The following STAM2 variants were observed in gnomAD, a reference collection of about 807,000 sequenced individuals.
STAM2 encodes signal transducing adapter molecule 2.
In STAM2, 51 loss-of-function variants were observed where a neutral mutation model predicts 65.6. That is an observed-to-expected ratio of 0.78 (90% CI 0.62 to 0.98). The LOEUF (loss-of-function observed/expected upper bound fraction) is 0.98, where lower values mean the gene tolerates loss of function less well. Ranked by LOEUF, STAM2 falls within the 50% of genes least tolerant of loss-of-function variation. The pLI is 0.00. For synonymous variants in STAM2, 198 were observed against 208.4 expected (o/e 0.95, Z 0.43); for missense variants, 584 against 617.8 (o/e 0.95, Z 0.58).
At position 152,160,490 on chromosome 2, in the gene STAM2, C is replaced by T. The variant is rs1269269300; in HGVS notation, c.41-10261G>A. ...CTGAGAAGTGAGGAGCCCCTCCGCC[C>T]GGCAGCCGCCCCGTCTGAGAAGTGA... On this transcript the variant is annotated intron_variant, in intron 1 of 13. Transcript: ENST00000263904. Among the ~76,000 whole-genome samples, 5 of 151,490 alleles carry T rather than the reference C, an allele frequency of 3.3e-5. No homozygotes were observed. In the South Asian group the frequency reaches 6.3e-4, roughly 19 times the overall value.
intron 11 of STAM2, among the ~76,000 whole-genome samples, chr2:152,128,033 T>A (rs1412133703): frequency 6.6e-6 from 1 of 152,034 alleles, no homozygotes; most frequent in African/African-American, 2.4e-5. Context: ...TCTACTAGAG[T>A]CTGTTATGTC....
intron 1 of STAM2, among the ~76,000 whole-genome samples, chr2:152,157,226 T>C (rs1689571518): frequency 6.6e-6 from 1 of 152,178 alleles, no homozygotes; most frequent in African/African-American, 2.4e-5. Context: ...ACAAACACAC[T>C]TGAGATGAGT....
At chr2:152,172,764 G>A (rs1046926510) in intron 1 of STAM2, among the ~76,000 whole-genome samples, 10 of 151,796 alleles carry the variant, frequency 6.6e-5, no homozygotes, top group Middle Eastern at 3.4e-3. Flanking sequence ...CTAGCTACTC[G>A]GGAGGCTGAG....
intron 11 of STAM2, among the ~76,000 whole-genome samples, chr2:152,127,273 ATCCTC>A (rs1688979071): frequency 6.6e-6 from 1 of 152,184 alleles, no homozygotes; most frequent in African/African-American, 2.4e-5. Flanking sequence ...TGCAGTCACA[ATCCTC>A]TACTGGTGAC....
At chr2:152,170,039 GT>G in intron 1 of STAM2, among the ~76,000 whole-genome samples, 1 of 151,988 alleles carries the variant, frequency 6.6e-6, no homozygotes, top group South Asian at 2.1e-4. Flanking sequence ...GTTTCATCAT[GT>G]TGGCCAGGCT....
chr2:152,138,401 T>G (rs531647836), intron 7 of STAM2, among the ~76,000 whole-genome samples: 5 of 152,274 alleles, frequency 3.3e-5, no homozygotes, highest in Admixed American at 3.3e-4. Flanking sequence ...TAAAAAGTTG[T>G]AATTAAAGCA....
intron 1 of STAM2, among the ~76,000 whole-genome samples, chr2:152,168,699 T>G (rs577718667): frequency 6.6e-6 from 1 of 152,224 alleles, no homozygotes; most frequent in Non-Finnish European, 1.5e-5. Flanking sequence ...AATTATAATG[T>G]CTTTTCTCTT....
In STAM2 at chr2:152,126,507, G is replaced by T. The variant is rs918285284; in HGVS notation, c.1026-128C>A. ...AAAGGCTTTTTTATATTTAATGAAAGAATATTCACAAAGGGAAACTAAGAG... is the reference window on the plus strand; with the variant it reads ...AAAGGCTTTTTTATATTTAATGAAATAATATTCACAAAGGGAAACTAAGAG... On this transcript the variant is annotated intron_variant, in intron 11 of 13. Transcript: ENST00000263904. 1.1e-5 allele frequency: 6 copies of T among 526,952 alleles called. No individual in the cohort carries two copies. The African/African-American group carries it at 1.2e-4, about 10-fold the overall frequency. The allele number at this position is 526,952 out of a possible 1,614,324, so 32.6% of individuals were successfully genotyped here.
At position 152,147,308 on chromosome 2, in the gene STAM2, C is replaced by T. The variant is rs1689352959; in HGVS notation, c.301G>A (p.Ala101Thr). The change falls in exon 5 of 14, where the codon GCA (alanine) becomes ACA (threonine). Residue 101 changes from alanine (A) to threonine (T), a missense_variant and splice_region_variant. Ala to Thr is a moderately conservative substitution (Grantham distance 58, BLOSUM62 0). Coordinates refer to ENST00000263904, the MANE Select transcript of STAM2 (RefSeq NM_005843.6). Reference sequence around the variant, plus strand: ...AGTTTTTCACATACTTTAGGATGTGCCTTTTAAGGAAAAGGAAAGGAAAAT... The same window carrying T: ...AGTTTTTCACATACTTTAGGATGTGTCTTTTAAGGAAAAGGAAAGGAAAAT... Reference protein sequence around the residue: ...TEVRAVIKNKAHPKVCEKLKS... With the variant: ...TEVRAVIKNKTHPKVCEKLKS... The T allele has an allele frequency of 6.5e-7, 1 of 1,528,788 alleles. No homozygotes were observed. The allele number at this position is 1,528,788 out of a possible 1,614,324, so 94.7% of individuals were successfully genotyped here.
intron 5 of STAM2, 65 bp from the exon 6 acceptor site, chr2:152,145,022 C>T: frequency 8.0e-7 from 1 of 1,253,260 alleles, no homozygotes; most frequent in Non-Finnish European, 1.2e-6. Flanking sequence ...TCCATAATTA[C>T]TTGCAGATGG....
chr2:152,130,518 T>C (rs1001841786), intron 11 of STAM2, among the ~76,000 whole-genome samples: 1 of 151,592 alleles, frequency 6.6e-6, no homozygotes, highest in African/African-American at 2.4e-5. Context: ...CCCAAAGTGC[T>C]GGGATTACAG....
intron 13 of STAM2, among the ~76,000 whole-genome samples, chr2:152,121,785 C>A (rs1688857194): frequency 1.3e-5 from 2 of 152,118 alleles, no homozygotes; most frequent in Admixed American, 1.3e-4. Flanking sequence ...TGGCTCACAC[C>A]TGTAATCCTA....
At chr2:152,151,245 G>T (rs1049721478) in intron 1 of STAM2, among the ~76,000 whole-genome samples, 1 of 147,794 alleles carries the variant, frequency 6.8e-6, no homozygotes, top group Admixed American at 6.9e-5. Context: ...GCAATGGCAC[G>T]ATCTCAGCTC....
rs937995898 is a variant in STAM2 at position 152,118,638 on chromosome 2, GA to G, written c.*1935del. On this transcript the variant is annotated 3_prime_UTR_variant, in exon 14 of 14. Coordinates refer to ENST00000263904, the MANE Select transcript of STAM2 (RefSeq NM_005843.6). ...TAAGTTTATTAAATAGAGTTTGGGA[GA>G]AAAAAAGTAAGAAATTCCATATATA... 5 of 151,466 alleles carry G rather than the reference GA, an allele frequency of 3.3e-5. No homozygotes were observed. The highest frequency in any genetic ancestry group is 2.0e-4 in the Admixed American group (3 of 15,200). The allele number at this position is 151,466 out of a possible 1,614,324, so 9.4% of individuals were successfully genotyped here.
chr2:152,147,616 A>C (rs1159961417), intron 4 of STAM2, among the ~76,000 whole-genome samples: 2 of 152,196 alleles, frequency 1.3e-5, no homozygotes, highest in African/African-American at 4.8e-5. Context: ...ACCTGGATGT[A>C]AATCATGGCT....
At chr2:152,141,992 T>C (rs1291399777) in intron 7 of STAM2, among the ~76,000 whole-genome samples, 1 of 152,182 alleles carries the variant, frequency 6.6e-6, no homozygotes, top group African/African-American at 2.4e-5. Flanking sequence ...CACAAAAGTA[T>C]AAAAACAATG....
rs1690008106 is a variant in STAM2, at chr2:152,175,707, G to A, written c.-65C>T. On this transcript the variant is annotated 5_prime_UTR_variant, in exon 1 of 14. Transcript: ENST00000263904. ...ACACTCAGCAACTGCTACCCGCCGG[G>A]TGACCCGCGGCCGCGGCTCCCTAGA... is the stretch of plus-strand genomic sequence containing the variant. 3.2e-6 allele frequency: 5 copies of A among 1,553,572 alleles called. No individual in the cohort carries two copies. The East Asian group carries it at 7.2e-5, about 22-fold the overall frequency.
At chr2:152,168,163 AT>A (rs70974828) in intron 1 of STAM2, among the ~76,000 whole-genome samples, 32,035 of 148,956 alleles carry the variant, frequency 0.22, 3,591 homozygotes, top group Admixed American at 0.31. Context: ...TACAAGGCCT[AT>A]TTTTTTTTTC....
intron 11 of STAM2, among the ~76,000 whole-genome samples, chr2:152,128,728 C>T (rs940486859): frequency 6.6e-5 from 10 of 152,184 alleles, no homozygotes; most frequent in Non-Finnish European, 8.8e-5. Flanking sequence ...CTATGAATCT[C>T]TCTTCAACAA....
Sources: allele counts gnomAD v4.1 joint callset (sites outside exome capture counted in the v4.1 genomes callset), GRCh38; gene constraint gnomAD v4.1.1; transcripts MANE v1.5; gene names NCBI Gene and HGNC (gene_info 2026-07-23, HGNC 2026-07-21).